Variants in HIVEP3 observed in about 807,000 individuals in gnomAD.
HIVEP3 encodes the protein transcription factor HIVEP3.
In HIVEP3, 49 loss-of-function variants were observed where a neutral mutation model predicts 152.8. The observed-to-expected ratio is 0.32, with a 90% CI of 0.26 to 0.41. HIVEP3 has a LOEUF of 0.41. Among genes scored for constraint, HIVEP3 ranks in the 10% least tolerant of loss-of-function variants. The pLI is 1.00. For missense variants in HIVEP3, 2,790 were observed against 3,103.3 expected (o/e 0.90, Z 2.40); for synonymous variants, 1,269 against 1,289.0 (o/e 0.98, Z 0.33).
intron 3 of HIVEP3, among the ~76,000 whole-genome samples, chr1:41,611,518 C>A (rs963241570): frequency 1.3e-5 from 2 of 152,250 alleles, no homozygotes; most frequent in Admixed American, 1.3e-4. Flanking sequence ...GATGAGGACA[C>A]AAAGGCACCG....
chr1:41,978,088 A>T (rs1417185536), intron 1 of HIVEP3, among the ~76,000 whole-genome samples: 1 of 152,186 alleles, frequency 6.6e-6, no homozygotes, highest in Non-Finnish European at 1.5e-5. Flanking sequence ...ACCCAAGTCT[A>T]TGTCTTTACT....
intron 1 of HIVEP3, among the ~76,000 whole-genome samples, chr1:41,715,832 G>A (rs1380126142): frequency 1.3e-5 from 2 of 152,188 alleles, no homozygotes; most frequent in African/African-American, 4.8e-5. Context: ...AGGCAGCCCT[G>A]TCTGCCAGGA....
At chr1:41,650,178 T>C (rs1229473870) in intron 2 of HIVEP3, among the ~76,000 whole-genome samples, 1 of 151,842 alleles carries the variant, frequency 6.6e-6, no homozygotes, top group Non-Finnish European at 1.5e-5. Context: ...TGGCAGCTCT[T>C]CAAAAGAGGG....
chr1:41,996,745 G>A (rs899172373), intron 1 of HIVEP3, among the ~76,000 whole-genome samples: 28 of 152,160 alleles, frequency 1.8e-4, no homozygotes, highest in Admixed American at 7.9e-4. Context: ...ATTTACTATC[G>A]TACAGTTTGG....
chr1:41,971,839 C>T (rs760460734), intron 1 of HIVEP3, among the ~76,000 whole-genome samples: 2 of 152,164 alleles, frequency 1.3e-5, no homozygotes, highest in Non-Finnish European at 2.9e-5. Context: ...GACAGCTCTG[C>T]TGTCATGGAT....
intron 1 of HIVEP3, among the ~76,000 whole-genome samples, chr1:41,768,399 C>T (rs1486192525): frequency 6.6e-6 from 1 of 152,234 alleles, no homozygotes; most frequent in African/African-American, 2.4e-5. Context: ...AGGTTCCTCC[C>T]ATGACACATG....
chr1:41,528,008 C>T (rs1414628207), intron 5 of HIVEP3, among the ~76,000 whole-genome samples: 2 of 146,930 alleles, frequency 1.4e-5, no homozygotes, highest in Admixed American at 6.8e-5. Flanking sequence ...TCACACTCCA[C>T]ACCCCGCCCT....
intron 2 of HIVEP3, among the ~76,000 whole-genome samples, chr1:41,659,686 C>T (rs900429876): frequency 2.6e-5 from 4 of 152,220 alleles, no homozygotes; most frequent in Non-Finnish European, 5.9e-5. Context: ...GCACAGGAGA[C>T]GCCAGAGCTG....
intron 5 of HIVEP3, among the ~76,000 whole-genome samples, chr1:41,545,061 A>G (rs1350880865): frequency 8.0e-6 from 1 of 124,502 alleles, no homozygotes; most frequent in Non-Finnish European, 1.8e-5. Flanking sequence ...CACCATCACT[A>G]CCACCACCAC....
chr1:41,513,540 G>A lies in HIVEP3; in HGVS notation c.5681C>T (p.Ser1894Phe), dbSNP rs758530264. 1 of 1,609,010 alleles carries A rather than the reference G, an allele frequency of 6.2e-7. No individual in the cohort carries two copies. Among genetic ancestry groups the A allele is most frequent in the Non-Finnish European group, 8.5e-7 (1 of 1,178,212 alleles). Residue 1894 changes from serine (S) to phenylalanine (F), a missense_variant, in exon 8 of 9, where the codon TCC becomes TTC. By Grantham distance (155) the Ser-to-Phe change is radical. This residue lies in a region of HIVEP3 where 816 missense variants were observed against 806.5 expected (regional missense o/e 1.01). Coordinates refer to ENST00000372583, the MANE Select transcript of HIVEP3 (RefSeq NM_024503.5). ...GGGCTGAGGGCCCAGGATGGGTGAG[G>A]AGTCTGCCCGCAGTGCATGTGGTGG... ...PGPPHALRADSSPILGPQPPD... is the reference protein window; with the variant it reads ...PGPPHALRADFSPILGPQPPD...
chr1:41,910,116 CAA>C (rs1427350563), intron 1 of HIVEP3, among the ~76,000 whole-genome samples: 1 of 151,664 alleles, frequency 6.6e-6, no homozygotes, highest in Non-Finnish European at 1.5e-5. Flanking sequence ...AACTAGAAAA[CAA>C]AAGATGGAGA....
chr1:41,829,679 T>C (rs1194690348), intron 1 of HIVEP3, among the ~76,000 whole-genome samples: 2 of 151,758 alleles, frequency 1.3e-5, no homozygotes, highest in East Asian at 3.8e-4. Flanking sequence ...TACAAACTGA[T>C]AAAAACTATG....
rs764936611 is a variant in HIVEP3, at chr1:41,510,772, T to C, written c.6900A>G (p.Ala2300=). The C allele has an allele frequency of 2.5e-6, 4 of 1,602,520 alleles. No homozygotes were observed. The highest frequency in any genetic ancestry group is 2.7e-5 in the African/African-American group (2 of 74,720). ...DWTPHGTGAP[A]EPTPTHSPCT... ...AGGGGCTGTGCGTGGGTGTGGGCTC[T>C]GCAGGTGCCCCGGTCCCATGGGGTG... Residue 2300 remains alanine (A), a synonymous_variant, in exon 9 of 9, where the codon GCA becomes GCG. Transcript: ENST00000372583.
At chr1:41,949,741 C>G (rs746945662) in intron 1 of HIVEP3, among the ~76,000 whole-genome samples, 2 of 152,150 alleles carry the variant, frequency 1.3e-5, no homozygotes, top group African/African-American at 2.4e-5. Context: ...TTGTCTCTTC[C>G]AGAATCGAAG....
At chr1:41,842,369 G>A (rs993108827) in intron 1 of HIVEP3, among the ~76,000 whole-genome samples, 3 of 152,218 alleles carry the variant, frequency 2.0e-5, no homozygotes, top group East Asian at 1.9e-4. Context: ...AAGGAGCCTC[G>A]AAGTCATGTG....
intron 1 of HIVEP3, among the ~76,000 whole-genome samples, chr1:41,775,054 C>T (rs960986478): frequency 1.3e-5 from 2 of 152,022 alleles, no homozygotes; most frequent in East Asian, 3.9e-4. Context: ...CCTCCCTCCT[C>T]GGTCTCCCAA....
chr1:41,887,140 A>T (rs1185714687), intron 1 of HIVEP3, among the ~76,000 whole-genome samples: 2 of 152,218 alleles, frequency 1.3e-5, no homozygotes, highest in Non-Finnish European at 2.9e-5. Flanking sequence ...CTTTAGAAAA[A>T]TTACAAAATC....
At chr1:41,918,976 C>T (rs1316510681), upstream of HIVEP3, among the ~76,000 whole-genome samples, 2 of 152,168 alleles carry the variant, frequency 1.3e-5, no homozygotes, top group Non-Finnish European at 2.9e-5. The surrounding 1 kb of genome is among the most constrained non-coding windows in gnomAD (Gnocchi z 4.3). Flanking sequence ...ATTATCACTT[C>T]GGAATAGCTG....
At chr1:41,844,705 C>G (rs566792956) in intron 1 of HIVEP3, among the ~76,000 whole-genome samples, 2 of 152,342 alleles carry the variant, frequency 1.3e-5, no homozygotes, top group South Asian at 4.1e-4. Flanking sequence ...TCTTAGTCCA[C>G]CCTCTACAAC....
Sources: allele counts gnomAD v4.1 joint callset (sites outside exome capture counted in the v4.1 genomes callset), GRCh38; gene constraint gnomAD v4.1.1; regional missense constraint gnomAD v4.1.1; non-coding constraint Gnocchi (gnomAD v3.1); transcripts MANE v1.5; gene names NCBI Gene and HGNC (gene_info 2026-07-23, HGNC 2026-07-21).